AFAP1L2: variants seen among roughly 807,000 people sequenced by gnomAD.
AFAP1L2 encodes the protein actin filament associated protein 1 like 2, also known as actin filament-associated protein 1-like 2.
AFAP1L2 carries 46 observed loss-of-function variants against 99.3 expected under a neutral mutation model. The ratio of observed to expected loss-of-function variants is 0.46; its 90% CI spans 0.37 to 0.59. AFAP1L2 has a LOEUF of 0.59. Ranked by LOEUF, AFAP1L2 falls within the 20% of genes least tolerant of loss-of-function variation. The pLI, the probability that AFAP1L2 is intolerant of heterozygous loss-of-function variation, is 0.00. For synonymous variants in AFAP1L2, 397 were observed against 419.1 expected, an observed-to-expected ratio of 0.95 and a Z score of 0.64; for missense variants, 959 against 1,034.9, an observed-to-expected ratio of 0.93 and a Z score of 1.01.
intron 5 of AFAP1L2, among the ~76,000 whole-genome samples, chr10:114,316,642 C>A (rs1280087496): frequency 3.3e-5 from 5 of 152,212 alleles, no homozygotes; most frequent in Non-Finnish European, 7.3e-5. Flanking sequence ...GCCCCCACCA[C>A]CCTGCAAGAG....
intron 5 of AFAP1L2, among the ~76,000 whole-genome samples, chr10:114,318,679 T>C (rs755514125): frequency 3.7e-5 from 5 of 134,652 alleles, no homozygotes; most frequent in Admixed American, 8.5e-5. Context: ...GAAGTGGAGA[T>C]TGCGGTGAGC....
In AFAP1L2 at chr10:114,304,608, C is replaced by A. The variant is rs1393451306; in HGVS notation, c.1284+111G>T. 6 of 1,090,528 alleles carry A rather than the reference C, an allele frequency of 5.5e-6. No individual in the cohort carries two copies. The South Asian group carries it at 1.0e-4, about 18-fold the overall frequency. The allele number at this position is 1,090,528 out of a possible 1,614,324, so 67.6% of individuals were successfully genotyped here. ...TCAGGCAAACGAAGTAAAAATAACA[C>A]GCGGGGACATTGATTCTCCCTTAGT... On this transcript the variant is annotated intron_variant, in intron 11 of 18. Coordinates refer to ENST00000304129, the MANE Select transcript of AFAP1L2 (RefSeq NM_001001936.3).
At chr10:114,339,597 C>T (rs2048490030) in intron 2 of AFAP1L2, among the ~76,000 whole-genome samples, 1 of 152,212 alleles carries the variant, frequency 6.6e-6, no homozygotes, top group South Asian at 2.1e-4. Flanking sequence ...TATATTAAAT[C>T]CTAGCACCCA....
At chr10:114,287,182 C>A in the AFAP1L2 span, among the ~76,000 whole-genome samples, 2 of 152,120 alleles carry the variant, frequency 1.3e-5, no homozygotes, top group Non-Finnish European at 2.9e-5. Flanking sequence ...AGCTGAAACA[C>A]GTCTTTTTTT....
chr10:114,286,453 G>A, the AFAP1L2 span: 1 of 1,610,186 alleles, frequency 6.2e-7, no homozygotes, highest in Non-Finnish European at 8.5e-7. Flanking sequence ...CGGATCCTCA[G>A]GATCTGTTCA....
At chr10:114,364,969 C>G (rs1245997323) in intron 1 of AFAP1L2, among the ~76,000 whole-genome samples, 1 of 152,146 alleles carries the variant, frequency 6.6e-6, no homozygotes, top group Non-Finnish European at 1.5e-5. Context: ...TGGAGGCCTC[C>G]CAGTTGAGTC....
At chr10:114,294,732 T>C (rs1564757649), downstream of AFAP1L2, 4 of 795,318 alleles carry the variant, frequency 5.0e-6, no homozygotes, top group Non-Finnish European at 6.1e-6. Context: ...TAGGATCCCA[T>C]CTTGTAGTTC....
intron 6 of AFAP1L2, 36 bp from the exon 7 acceptor site, chr10:114,314,086 G>A: frequency 1.3e-6 from 2 of 1,587,638 alleles, no homozygotes; most frequent in Middle Eastern, 3.4e-4. Context: ...CACTTTGCCA[G>A]GGGTGCCGGG....
At chr10:114,364,231 C>G (rs959699495) in intron 1 of AFAP1L2, among the ~76,000 whole-genome samples, 3 of 152,186 alleles carry the variant, frequency 2.0e-5, no homozygotes, top group African/African-American at 7.2e-5. Context: ...TGGCAGTCAC[C>G]CCTCATGTGG....
upstream of AFAP1L2, chr10:114,404,612 G>T (rs1196336248): frequency 5.4e-6 from 6 of 1,104,592 alleles, no homozygotes; most frequent in Admixed American, 1.3e-4. Flanking sequence ...CTCGGACCTG[G>T]CCCCCGCCAG....
At chr10:114,322,847 C>A (rs1176346558) in intron 5 of AFAP1L2, among the ~76,000 whole-genome samples, 1 of 152,214 alleles carries the variant, frequency 6.6e-6, no homozygotes, top group African/African-American at 2.4e-5. Flanking sequence ...TCTTCTGTCA[C>A]CTTTGTGCTG....
Position 114,390,444 on chromosome 10 carries a change from C to T in AFAP1L2, c.16+13996G>A, listed in dbSNP as rs140960300. ...TTCAATGCAATTAAGAAAAATCGGC[C>T]GGCTGCGGTGGCTCACGCCTGTAAT... On this transcript the variant is annotated intron_variant, in intron 1 of 18. Coordinates refer to ENST00000304129, the MANE Select transcript of AFAP1L2 (RefSeq NM_001001936.3). Among the ~76,000 whole-genome samples the T allele has an allele frequency of 1.2e-3, 182 of 152,238 alleles. 2 individuals are homozygous for T. The East Asian group carries it at 0.022, about 18-fold the overall frequency.
At position 114,341,339 on chromosome 10, in the gene AFAP1L2, C is replaced by A. The variant is rs1025471033; in HGVS notation, c.17-608G>T. ...GATTAAAAGCCACACCTGGGCCGAG[C>A]ACAGTGGCTCACACCTGTAATCCCA... On this transcript the variant is annotated intron_variant, in intron 1 of 18. Transcript: ENST00000304129. 3.9e-5 allele frequency among the ~76,000 whole-genome samples: 6 copies of A among 152,080 alleles called. 1 individual carries two copies. The highest frequency in any genetic ancestry group is 1.4e-4 in the African/African-American group (6 of 41,400).
intron 1 of AFAP1L2, among the ~76,000 whole-genome samples, chr10:114,382,516 A>G (rs2055790850): frequency 6.6e-6 from 1 of 152,110 alleles, no homozygotes. Flanking sequence ...AACATACATT[A>G]AGAGAAGAAA....
chr10:114,315,143 AAAC>A (rs1272332032), intron 6 of AFAP1L2, among the ~76,000 whole-genome samples: 3 of 152,116 alleles, frequency 2.0e-5, no homozygotes, highest in Non-Finnish European at 4.4e-5. Flanking sequence ...TCTGTCTCAA[AAAC>A]AACAACAAAC....
rs752681993 is a variant in AFAP1L2, at chr10:114,300,404, G to A, written c.1788+41C>T. The A allele has an allele frequency of 3.6e-5, 58 of 1,607,744 alleles. No individual in the cohort carries two copies. In the Middle Eastern group the frequency reaches 9.9e-4, roughly 27 times the overall value. ...ACCTGACTCAGCTGGCTGAAGGGGCGCAGGAAGGTGGTCTTGCTGTCCTGC... is the reference window on the plus strand; with the variant it reads ...ACCTGACTCAGCTGGCTGAAGGGGCACAGGAAGGTGGTCTTGCTGTCCTGC... On this transcript the variant is annotated intron_variant, in intron 14 of 18. Transcript: ENST00000304129.
At chr10:114,384,520 T>C (rs1310529143) in intron 1 of AFAP1L2, among the ~76,000 whole-genome samples, 1 of 152,232 alleles carries the variant, frequency 6.6e-6, no homozygotes, top group Non-Finnish European at 1.5e-5. Context: ...GGCATGTGGC[T>C]GAACGTTGCC....
chr10:114,284,983 C>T, the AFAP1L2 span: 95 of 1,575,074 alleles, frequency 6.0e-5, no homozygotes, highest in South Asian at 3.4e-4. Context: ...AGGTATGCAC[C>T]GGCCCTGCAA....
At chr10:114,333,099 A>T in intron 3 of AFAP1L2, 122 bp downstream of exon 3, 1 of 900,488 alleles carries the variant, frequency 1.1e-6, no homozygotes, top group South Asian at 1.6e-5. Context: ...TTCCAAAAAT[A>T]ACTCCGCCAG....
Sources: allele counts gnomAD v4.1 joint callset (sites outside exome capture counted in the v4.1 genomes callset), GRCh38; gene constraint gnomAD v4.1.1; transcripts MANE v1.5; gene names NCBI Gene and HGNC (gene_info 2026-07-23, HGNC 2026-07-21).